HHATL: variants seen among roughly 807,000 people sequenced by gnomAD.
HHATL encodes protein-cysteine N-palmitoyltransferase HHAT-like protein.
HHATL carries 49 observed loss-of-function variants against 59.7 expected under a neutral mutation model. That is an observed-to-expected ratio of 0.82 (90% confidence interval 0.65 to 1.04). The LOEUF is 1.04. Ranked by LOEUF, HHATL falls within the 50% of genes least tolerant of loss-of-function variation. HHATL has a pLI of 0.00. For synonymous variants in HHATL, 238 were observed against 257.3 expected, an observed-to-expected ratio of 0.93 and a Z score of 0.72; for missense variants, 605 against 650.8, an observed-to-expected ratio of 0.93 and a Z score of 0.77.
rs1575238742 is a variant in HHATL at position 42,698,196 on chromosome 3, G to T, written c.639C>A (p.Tyr213Ter). The T allele has an allele frequency of 5.0e-6, 8 of 1,614,224 alleles. No individual in the cohort carries two copies. The East Asian group carries it at 1.8e-4, about 36-fold the overall frequency. The change falls in exon 6 of 12, where the codon TAC (tyrosine) becomes TAA (stop). Residue 213 changes from tyrosine to a stop codon, truncating the protein, a stop_gained. Transcript: ENST00000441594. LOFTEE classifies it high-confidence loss of function. ...SLADLLKYNFYLPFFFFGPIM... is the reference protein window; with the variant it reads ...SLADLLKYNF ...TGGGCCCGAAGAAGAAGAAGGGCAG[G>T]TAGAAGTTGTACTTGAGCAGGTCAG...
rs1697460570 is a variant in HHATL, at chr3:42,693,704, G to A, written c.1161C>T (p.Tyr387=). 6.2e-7 allele frequency: 1 copy of A among 1,614,060 alleles called. No individual in the cohort carries two copies. The highest frequency in any genetic ancestry group is 8.5e-7 in the Non-Finnish European group (1 of 1,180,040). Residue 387 remains tyrosine (Y), a synonymous_variant, in exon 10 of 12, where the codon TAC becomes TAT. Transcript: ENST00000441594. ...CAAAGCAGTTAAGGAATGACCACAG[G>A]TAGACAATGTCACAAGGCCCAAGCC... ...TLWLGPCDIV[Y]LWSFLNCFGL... is the part of the protein sequence containing the mutation.
At chr3:42,692,978 T>C (rs1351862492) in intron 11 of HHATL, 99 bp downstream of exon 11, 1 of 1,585,998 alleles carries the variant, frequency 6.3e-7, no homozygotes, top group East Asian at 2.2e-5. Context: ...CCCTTCTGAG[T>C]CCCAGGGGTG....
At position 42,698,304 on chromosome 3, in the gene HHATL, A is replaced by G. The variant is rs1337193757; in HGVS notation, c.531T>C (p.His177=). ...GCAGCACTGTGAAGCTGCTGCCCCC[A>G]TGAAACAGCACCTCTTGAAGATCAA... The part of the protein sequence containing the change: ...GTFDLQEVLF[H]GGSSFTVLRC... Residue 177 remains histidine (H), a synonymous_variant, in exon 6 of 12, where the codon CAT becomes CAC. Coordinates refer to ENST00000441594, the MANE Select transcript of HHATL (RefSeq NM_020707.4). 2 of 1,613,910 alleles carry G rather than the reference A, an allele frequency of 1.2e-6. No individual in the cohort carries two copies. The highest frequency in any genetic ancestry group is 1.7e-5 in the Admixed American group (1 of 60,020).
At chr3:42,697,446 G>T (rs1697679275) in intron 7 of HHATL, 62 bp downstream of exon 7, 4 of 1,550,804 alleles carry the variant, frequency 2.6e-6, no homozygotes, top group South Asian at 1.2e-5. Flanking sequence ...CACCGTGGGG[G>T]TGCAGAGGGT....
intron 8 of HHATL, 47 bp downstream of exon 8, chr3:42,696,954 G>C (rs1253427724): frequency 6.2e-7 from 1 of 1,613,776 alleles, no homozygotes; most frequent in Admixed American, 1.7e-5. Flanking sequence ...GCTAGGGGAA[G>C]GTGTGGTCCC....
chr3:42,693,865 A>AG, intron 9 of HHATL, 47 bp from the exon 10 acceptor site: 1 of 1,524,496 alleles, frequency 6.6e-7, no homozygotes, highest in East Asian at 2.3e-5. Context: ...GGGAAAGGGC[A>AG]GGGATGAGAT....
Position 42,699,031 on chromosome 3 carries a change from C to A in HHATL, c.288+1G>T, listed in dbSNP as rs767475391. 1 of 1,613,970 alleles carries A rather than the reference C, an allele frequency of 6.2e-7. No homozygotes were observed. The highest frequency in any genetic ancestry group is 1.1e-5 in the South Asian group (1 of 91,078). Reference sequence around the variant, plus strand: ...GGCTGGGTGGCCCAGGTCCAGCTCACCTTTGGGGCAACCATCGTGCAGAGT... The same window carrying A: ...GGCTGGGTGGCCCAGGTCCAGCTCAACTTTGGGGCAACCATCGTGCAGAGT... On this transcript the variant is annotated splice_donor_variant, in intron 4 of 11. Coordinates refer to ENST00000441594, the MANE Select transcript of HHATL (RefSeq NM_020707.4). LOFTEE classifies it high-confidence loss of function.
At position 42,702,582 on chromosome 3, in the gene HHATL, G is replaced by C. The variant is rs1559629004; in HGVS notation, c.-17C>G. ...TGCATCCCCAGCTGGCACTGACCTT[G>C]AGGAGGCCGCAAGGGACCCTGGCAC... On this transcript the variant is annotated 5_prime_UTR_variant, in exon 1 of 12. Coordinates refer to ENST00000441594, the MANE Select transcript of HHATL (RefSeq NM_020707.4). 1 of 152,480 alleles carries C rather than the reference G, an allele frequency of 6.6e-6. No individual in the cohort carries two copies. Among genetic ancestry groups the C allele is most frequent in the Non-Finnish European group, 1.5e-5 (1 of 68,250 alleles). The allele number at this position is 152,480 out of a possible 1,614,324, so 9.4% of individuals were successfully genotyped here.
At chr3:42,699,866 T>A (rs1697859056) in intron 2 of HHATL, 41 bp from the exon 3 acceptor site, 2 of 1,501,420 alleles carry the variant, frequency 1.3e-6, no homozygotes, top group African/African-American at 1.4e-5. Flanking sequence ...GGCCTTCACA[T>A]CCCCTGCCCC....
chr3:42,697,293 G>C (rs1559621967), intron 7 of HHATL, 148 bp from the exon 8 acceptor site: 1 of 1,145,660 alleles, frequency 8.7e-7, no homozygotes, highest in Non-Finnish European at 1.2e-6. Flanking sequence ...GTCATGCCTG[G>C]TGAAGTGGGT....
rs992460162 is a variant in HHATL, at chr3:42,693,209, A to G, written c.1258T>C (p.Ser420Pro). 27 of 1,614,122 alleles carry G rather than the reference A, an allele frequency of 1.7e-5. No individual in the cohort carries two copies. The highest frequency in any genetic ancestry group is 2.1e-5 in the Non-Finnish European group (25 of 1,180,000). Residue 420 changes from serine (S) to proline (P), a missense_variant, in exon 11 of 12, where the codon TCA becomes CCA. By Grantham distance (74) the Ser-to-Pro change is moderately conservative. Coordinates refer to ENST00000441594, the MANE Select transcript of HHATL (RefSeq NM_020707.4). ...GPLARIEASL[S>P]VQMSRRVRAL... ...CGGACCCTACGGGACATCTGCACTG[A>G]CAGAGAGGCCTATCCGGTCCAGGAA...
intron 1 of HHATL, 116 bp from the exon 2 acceptor site, chr3:42,700,955 T>C (rs982172082): frequency 4.5e-6 from 3 of 665,590 alleles, no homozygotes; most frequent in Non-Finnish European, 8.1e-6. Flanking sequence ...CTCCAGCCCC[T>C]TGGGGACCTT....
chr3:42,698,338 G>A lies in HHATL; in HGVS notation c.497C>T (p.Thr166Ile), dbSNP rs1277153776. 5 of 1,611,514 alleles carry A rather than the reference G, an allele frequency of 3.1e-6. No homozygotes were observed. In the African/African-American group the frequency reaches 5.3e-5, roughly 17 times the overall value. ...CACCTCTTGAAGATCAAAAGTGCCT[G>A]TTACAAACCCGCTCTGGAGGGGGAA... ...PLISWQSGFV[T>I]GTFDLQEVLF... Residue 166 changes from threonine to isoleucine, a missense_variant, in exon 6 of 12, where the codon ACA (threonine) becomes ATA (isoleucine). Coordinates refer to ENST00000441594, the MANE Select transcript of HHATL (RefSeq NM_020707.4).
chr3:42,696,601 C>T lies in HHATL; in HGVS notation c.1046+241G>A, dbSNP rs575198804. 2.2e-4 allele frequency among the ~76,000 whole-genome samples: 33 copies of T among 152,310 alleles called. No homozygotes were observed. The South Asian group carries it at 5.2e-3, about 24-fold the overall frequency. On this transcript the variant is annotated intron_variant, in intron 9 of 11. Transcript: ENST00000441594. ...TCCCAACACCCACAGTTCATGGCCA[C>T]GTCCTGTTCAGGCTGCTGACTGTGT...
At chr3:42,699,702 G>A in intron 3 of HHATL, 56 bp downstream of exon 3, 2 of 1,424,808 alleles carry the variant, frequency 1.4e-6, no homozygotes, top group Non-Finnish European at 9.7e-7. Flanking sequence ...ATCTGGAACA[G>A]CAGAGAGCAG....
rs1222436917 is a variant in HHATL at position 42,692,733 on chromosome 3, C to A, written c.*18G>T. Reference sequence around the variant, plus strand: ...CCAAGAATAGCTGAGCAGAGCCCATCCCTCTACCCGCTCCCTCCTACTCCG... The same window carrying A: ...CCAAGAATAGCTGAGCAGAGCCCATACCTCTACCCGCTCCCTCCTACTCCG... On this transcript the variant is annotated 3_prime_UTR_variant, in exon 12 of 12. Transcript: ENST00000441594. The A allele has an allele frequency of 6.2e-7, 1 of 1,614,082 alleles. No individual in the cohort carries two copies. The highest frequency in any genetic ancestry group is 2.2e-5 in the East Asian group (1 of 44,888).
At chr3:42,697,736 C>A in intron 6 of HHATL, 57 bp from the exon 7 acceptor site, 1 of 1,549,480 alleles carries the variant, frequency 6.5e-7, no homozygotes, top group Non-Finnish European at 8.8e-7. Context: ...GGAGCCCTGT[C>A]TGAGGGGGGC....
chr3:42,699,879 C>A, intron 2 of HHATL, 54 bp from the exon 3 acceptor site: 1 of 1,463,334 alleles, frequency 6.8e-7, no homozygotes. Flanking sequence ...CCTGCCCCAC[C>A]TTCCCCCGTG....
chr3:42,696,805 G>A (rs2290973), intron 9 of HHATL, 37 bp downstream of exon 9: 839,268 of 1,608,230 alleles, frequency 0.52, 223,152 homozygotes, highest in East Asian at 0.65. Flanking sequence ...ACACCTGGCA[G>A]GATGGCTGTG....
Sources: allele counts gnomAD v4.1 joint callset (sites outside exome capture counted in the v4.1 genomes callset), GRCh38; gene constraint gnomAD v4.1.1; transcripts MANE v1.5; gene names NCBI Gene and HGNC (gene_info 2026-07-23, HGNC 2026-07-21).